Variants in GCN1 observed in about 807,000 individuals in gnomAD.
GCN1 encodes the protein GCN1 activator of EIF2AK4, also known as stalled ribosome sensor GCN1.
In GCN1, 90 loss-of-function variants were observed where a neutral mutation model predicts 288.4. The observed-to-expected ratio is 0.31, with a 90% CI of 0.26 to 0.37. GCN1 has a LOEUF of 0.37. GCN1 is among the 10% of genes least tolerant of loss of function. The pLI, the probability that GCN1 is intolerant of heterozygous loss-of-function variation, is 1.00. For synonymous variants in GCN1, 1,386 were observed against 1,420.2 expected, an observed-to-expected ratio of 0.98 and a Z score of 0.54; for missense variants, 2,586 against 3,419.9, an observed-to-expected ratio of 0.76 and a Z score of 6.08.
chr12:120,152,662 A>ATATATATATATAAATATATATATATT (rs1491529111), intron 33 of GCN1, among the ~76,000 whole-genome samples: 2 of 137,984 alleles, frequency 1.4e-5, no homozygotes, highest in African/African-American at 5.4e-5. Flanking sequence ...CACACACAAA[A>ATATATATATATAAATATATATATATT]TATATATATA....
At position 120,175,152 on chromosome 12, in the gene GCN1, A is replaced by T; in HGVS notation, c.1093+10T>A. 1.3e-6 allele frequency: 2 copies of T among 1,572,402 alleles called. No homozygotes were observed. Among genetic ancestry groups the T allele is most frequent in the Non-Finnish European group, 1.7e-6 (2 of 1,160,064 alleles). ...AAAAAAAAAAAAAAAAAAAAAAAGAAATCCTATACCTGAGAGGACGCTCAT... is the reference window on the plus strand; with the variant it reads ...AAAAAAAAAAAAAAAAAAAAAAAGATATCCTATACCTGAGAGGACGCTCAT... On this transcript the variant is annotated intron_variant, in intron 12 of 57. Coordinates refer to ENST00000300648, the MANE Select transcript of GCN1 (RefSeq NM_006836.2).
chr12:120,164,388 T>A lies in GCN1; in HGVS notation c.1796A>T (p.Lys599Met). The change falls in exon 18 of 58, where the codon AAG becomes ATG. Residue 599 changes from lysine to methionine, a missense_variant. By Grantham distance (95) the Lys-to-Met change is moderately conservative. This residue lies in a region of GCN1 where 913 missense variants were observed against 1,107.0 expected (regional missense o/e 0.82). Transcript: ENST00000300648. Reference protein sequence around the residue: ...RKLLSSLGGFKLAHGLLEELK... With the variant: ...RKLLSSLGGFMLAHGLLEELK... ...CTCCTCCAAGAGTCCGTGCGCCAGC[T>A]TAAAGCCCCCAAGAGAGGACAGCAG... 1 of 1,614,126 alleles carries A rather than the reference T, an allele frequency of 6.2e-7. No individual in the cohort carries two copies. The highest frequency in any genetic ancestry group is 1.1e-5 in the South Asian group (1 of 91,078).
At position 120,144,527 on chromosome 12, in the gene GCN1, C is replaced by T. The variant is rs1877300463; in HGVS notation, c.5353-79G>A. The T allele has an allele frequency of 1.3e-6, 2 of 1,570,442 alleles. No individual in the cohort carries two copies. The highest frequency in any genetic ancestry group is 1.7e-6 in the Non-Finnish European group (2 of 1,153,532). On this transcript the variant is annotated intron_variant, in intron 41 of 57. Transcript: ENST00000300648. This position sits in a 1 kb window ranked among gnomAD's most constrained non-coding sequence, Gnocchi z 4.7. ...CAAAAAACATGGGGCTCACTGAAGG[C>T]TGAGGGCTCTGCCAACCAACCCCAG... is the stretch of plus-strand genomic sequence containing the variant.
In GCN1 at chr12:120,134,245, GAAACCAGTGGTCCAGTGCT is replaced by G. The variant is rs745394877; in HGVS notation, c.7317+27_7317+45del. On this transcript the variant is annotated intron_variant, in intron 53 of 57. Coordinates refer to ENST00000300648, the MANE Select transcript of GCN1 (RefSeq NM_006836.2). The surrounding 1 kb of genome is among the most constrained non-coding windows in gnomAD (Gnocchi z 5.0). ...AGAACTCAACCTAAGGAGGAGGAGG[GAAACCAGTGGTCCAGTGCT>G]GCCACTAGTCCTGCCTGCAGCCGTA... The G allele has an allele frequency of 7.6e-7, 1 of 1,307,792 alleles. No homozygotes were observed. The highest frequency in any genetic ancestry group is 1.2e-5 in the South Asian group (1 of 85,122). The allele number at this position is 1,307,792 out of a possible 1,614,324, so 81.0% of individuals were successfully genotyped here.
chr12:120,155,100 GA>G lies in GCN1; in HGVS notation c.3631-61del. 6.5e-7 allele frequency: 1 copy of G among 1,543,808 alleles called. No homozygotes were observed. Among genetic ancestry groups the G allele is most frequent in the Non-Finnish European group, 9.0e-7 (1 of 1,115,724 alleles). On this transcript the variant is annotated intron_variant, in intron 30 of 57. Transcript: ENST00000300648. This position sits in a 1 kb window ranked among gnomAD's most constrained non-coding sequence, Gnocchi z 4.9. ...GGCAGATCAATGACCTGGGCACCAG[GA>G]TTGTGAGGCAGGAAACTAGCCGCAG...
In GCN1 at chr12:120,133,653, A is replaced by G. The variant is rs1876902551; in HGVS notation, c.7317+638T>C. Among the ~76,000 whole-genome samples the G allele has an allele frequency of 8.5e-5, 13 of 152,322 alleles. No homozygotes were observed. The South Asian group carries it at 2.5e-3, about 29-fold the overall frequency. On this transcript the variant is annotated intron_variant, in intron 53 of 57. Coordinates refer to ENST00000300648, the MANE Select transcript of GCN1 (RefSeq NM_006836.2). The stretch of plus-strand genomic sequence containing the variant: ...CAAATGTTTCACAAAACAATAAATA[A>G]ACCTCTTCATTTTACAAAAGTGGAA...
At position 120,130,788 on chromosome 12, in the gene GCN1, C is replaced by G. The variant is rs370954521; in HGVS notation, c.7564-35G>C. ...ACAGACAGCGCTAGACGGGAGGCCC[C>G]CCACCCCTTCCCCAGAGCCAGGAAA... On this transcript the variant is annotated intron_variant, in intron 55 of 57. Coordinates refer to ENST00000300648, the MANE Select transcript of GCN1 (RefSeq NM_006836.2). The G allele has an allele frequency of 1.8e-5, 24 of 1,365,032 alleles. No individual in the cohort carries two copies. In the Middle Eastern group the frequency reaches 9.5e-4, roughly 54 times the overall value. The allele number at this position is 1,365,032 out of a possible 1,614,324, so 84.6% of individuals were successfully genotyped here.
Position 120,161,957 on chromosome 12 carries a change from C to T in GCN1, c.2265G>A (p.Leu755=). 1 of 1,614,142 alleles carries T rather than the reference C, an allele frequency of 6.2e-7. No individual in the cohort carries two copies. The highest frequency in any genetic ancestry group is 2.2e-5 in the East Asian group (1 of 44,884). ...TITASVQNPA[L]RLVTREEFAI... ...CAAACTCCTCCCGCGTCACCAGGCG[C>T]AGTGCAGGGTTCTGCACGGAGGCAG... is the stretch of plus-strand genomic sequence containing the variant. Residue 755 remains leucine, a synonymous_variant, in exon 21 of 58, where the codon CTG becomes CTA. Coordinates refer to ENST00000300648, the MANE Select transcript of GCN1 (RefSeq NM_006836.2).
chr12:120,143,261 T>C (rs1013806952), intron 42 of GCN1, among the ~76,000 whole-genome samples: 11 of 152,072 alleles, frequency 7.2e-5, no homozygotes, highest in African/African-American at 2.7e-4. Flanking sequence ...TCATCAGAAG[T>C]GGAGGAACCA....
At chr12:120,150,106 C>T in intron 34 of GCN1, 63 bp from the exon 35 acceptor site, 2 of 1,564,098 alleles carry the variant, frequency 1.3e-6, no homozygotes, top group African/African-American at 1.4e-5. Flanking sequence ...CCACAGAGAA[C>T]AGAAGGGACA....
intron 16 of GCN1, among the ~76,000 whole-genome samples, chr12:120,167,767 G>C (rs1169202487): frequency 6.6e-6 from 1 of 152,044 alleles, no homozygotes; most frequent in Non-Finnish European, 1.5e-5. Flanking sequence ...ATTAGTGGCA[G>C]ACACTCCTAA....
Position 120,155,437 on chromosome 12 carries a change from G to C in GCN1, c.3441-7C>G. 6.2e-7 allele frequency: 1 copy of C among 1,612,320 alleles called. No individual in the cohort carries two copies. Among genetic ancestry groups the C allele is most frequent in the South Asian group, 1.1e-5 (1 of 91,076 alleles). The stretch of plus-strand genomic sequence containing the variant: ...GCCCATCATTGACCAGAGCCTGTGG[G>C]AGATCCAAGGCAGGGGCTGCTTAGA... On this transcript the variant is annotated splice_region_variant and splice_polypyrimidine_tract_variant and intron_variant, in intron 29 of 57. Coordinates refer to ENST00000300648, the MANE Select transcript of GCN1 (RefSeq NM_006836.2). This position sits in a 1 kb window ranked among gnomAD's most constrained non-coding sequence, Gnocchi z 4.9.
chr12:120,164,590 C>T, intron 17 of GCN1, 56 bp downstream of exon 17: 1 of 1,598,138 alleles, frequency 6.3e-7, no homozygotes, highest in Non-Finnish European at 8.6e-7. Context: ...TTCTCGGGTT[C>T]CTGCCAGCCT....
At chr12:120,189,370 C>CTTT (rs1278473363) in intron 2 of GCN1, among the ~76,000 whole-genome samples, 1 of 134,322 alleles carries the variant, frequency 7.4e-6, no homozygotes, top group African/African-American at 2.7e-5. Flanking sequence ...CACACCCAGG[C>CTTT]TTTTTTTTTT....
chr12:120,174,054 A>G lies in GCN1; in HGVS notation c.1192+17T>C. 1 of 1,447,244 alleles carries G rather than the reference A, an allele frequency of 6.9e-7. No homozygotes were observed. The highest frequency in any genetic ancestry group is 9.7e-7 in the Non-Finnish European group (1 of 1,028,096). 89.7% of individuals were successfully genotyped at this position (1,447,244 alleles called of 1,614,324 possible). ...GATGAGTACAGAACGCATGCTCACC[A>G]TGTTGCACAGAATTACCTTCCTGCT... On this transcript the variant is annotated intron_variant, in intron 13 of 57. Coordinates refer to ENST00000300648, the MANE Select transcript of GCN1 (RefSeq NM_006836.2).
chr12:120,168,358 C>G lies in GCN1; in HGVS notation c.1520-58G>C, dbSNP rs891791450. The G allele has an allele frequency of 2.9e-6, 3 of 1,039,098 alleles. No homozygotes were observed. The Admixed American group carries it at 5.1e-5, about 18-fold the overall frequency. 64.4% of individuals were successfully genotyped at this position (1,039,098 alleles called of 1,614,324 possible). On this transcript the variant is annotated intron_variant, in intron 15 of 57. Transcript: ENST00000300648. ...GCTCACCACATCCCCCAGAGCTGAT[C>G]TACTCCATCCTGAAGCTGCTGGGGT...
chr12:120,143,004 A>C lies in GCN1; in HGVS notation c.5496-63T>G, dbSNP rs1367838552. The C allele has an allele frequency of 6.4e-6, 6 of 943,452 alleles. No homozygotes were observed. In the East Asian group the frequency reaches 9.6e-5, roughly 15 times the overall value. 58.4% of individuals were successfully genotyped at this position (943,452 alleles called of 1,614,324 possible). ...AGGAGTGGGCTCGGCACAACTGAGC[A>C]CTGCACAGAAGATGGAAAGAAGTGC... is the stretch of plus-strand genomic sequence containing the variant. On this transcript the variant is annotated intron_variant, in intron 42 of 57. Transcript: ENST00000300648.
intron 3 of GCN1, 27 bp from the exon 4 acceptor site, chr12:120,184,270 G>C: frequency 6.2e-7 from 1 of 1,601,928 alleles, no homozygotes. Context: ...AGGAAAGGGT[G>C]AACATGCAGA....
rs373442103 is a variant in GCN1, at chr12:120,127,804, T to C, written c.*45A>G. On this transcript the variant is annotated 3_prime_UTR_variant, in exon 58 of 58. Coordinates refer to ENST00000300648, the MANE Select transcript of GCN1 (RefSeq NM_006836.2). ...AATGTATTTTCAAAAATGAAAACAT[T>C]GAGCAAAGATGTGGAGCGGCAATGC... The C allele has an allele frequency of 6.3e-7, 1 of 1,588,812 alleles. No individual in the cohort carries two copies. The highest frequency in any genetic ancestry group is 2.3e-5 in the East Asian group (1 of 44,378).
Sources: allele counts gnomAD v4.1 joint callset (sites outside exome capture counted in the v4.1 genomes callset), GRCh38; gene constraint gnomAD v4.1.1; regional missense constraint gnomAD v4.1.1; non-coding constraint Gnocchi (gnomAD v3.1); transcripts MANE v1.5; gene names NCBI Gene and HGNC (gene_info 2026-07-23, HGNC 2026-07-21).